The following DNAJC3 variants were observed in gnomAD, a reference collection of about 807,000 sequenced individuals.
The protein encoded by DNAJC3 is dnaJ homolog subfamily C member 3.
In DNAJC3, 38 loss-of-function variants were observed where a neutral mutation model predicts 68.6. That is an observed-to-expected ratio of 0.55 (90% CI 0.43 to 0.73). DNAJC3 has a LOEUF of 0.73. Among genes scored for constraint, DNAJC3 ranks in the 30% least tolerant of loss-of-function variants. DNAJC3 has a pLI of 0.00. For missense variants in DNAJC3, 526 were observed against 591.9 expected (o/e 0.89, Z 1.16); for synonymous variants, 203 against 204.0 (o/e 1.00, Z 0.04).
chr13:95,688,965 T>TGTGTGCGC (rs1491401957), intron 1 of DNAJC3, among the ~76,000 whole-genome samples: 7 of 130,910 alleles, frequency 5.3e-5, no homozygotes, highest in African/African-American at 1.8e-4. Context: ...TGTGTGTGTG[T>TGTGTGCGC]GCGCGCTGTT....
chr13:95,691,801 C>A lies in DNAJC3; in HGVS notation c.82+14464C>A, dbSNP rs532333768. ...AGTGAACGAGACTCCCTCTGCAATC[C>A]CGGCACCTTGGGAGGCGGAGGCTGG... is the stretch of plus-strand genomic sequence containing the variant. On this transcript the variant is annotated intron_variant, in intron 1 of 11. Transcript: ENST00000602402. 9.8e-5 allele frequency among the ~76,000 whole-genome samples: 15 copies of A among 152,348 alleles called. No individual in the cohort carries two copies. The South Asian group carries it at 3.1e-3, about 32-fold the overall frequency.
rs17885680 is a variant in DNAJC3, at chr13:95,789,099, T to A, written c.1358-1774T>A. Among the ~76,000 whole-genome samples, 1,267 of 152,310 alleles carry A rather than the reference T, an allele frequency of 8.3e-3. 23 individuals carry two copies. The highest frequency in any genetic ancestry group is 0.029 in the African/African-American group (1,214 of 41,548). ...CTTGGGATTATTTTTATATTTGCAT[T>A]TTTTTCTGCATTCTCTATTTTCCAT... On this transcript the variant is annotated intron_variant, in intron 11 of 11. Coordinates refer to ENST00000602402, the MANE Select transcript of DNAJC3 (RefSeq NM_006260.5).
At chr13:95,706,759 T>A (rs1880762887) in intron 1 of DNAJC3, among the ~76,000 whole-genome samples, 2 of 152,204 alleles carry the variant, frequency 1.3e-5, no homozygotes, top group African/African-American at 4.8e-5. Context: ...AAATAAATAT[T>A]CCCATTCCAA....
intron 1 of DNAJC3, among the ~76,000 whole-genome samples, chr13:95,708,544 A>G (rs145218984): frequency 4.4e-4 from 66 of 151,694 alleles, no homozygotes; most frequent in African/African-American, 1.5e-3. Flanking sequence ...CCTGGAAGCT[A>G]TTTTCCTAGC....
At chr13:95,772,074 C>T (rs750668030) in intron 9 of DNAJC3, among the ~76,000 whole-genome samples, 9 of 152,198 alleles carry the variant, frequency 5.9e-5, no homozygotes, top group Non-Finnish European at 1.2e-4. Context: ...CTCAGCTCTG[C>T]CATTGCAGTG....
At chr13:95,728,560 A>C (rs559114154) in intron 4 of DNAJC3, among the ~76,000 whole-genome samples, 1 of 152,250 alleles carries the variant, frequency 6.6e-6, no homozygotes, top group South Asian at 2.1e-4. Flanking sequence ...TCCTTTATAT[A>C]TTTTAGATAC....
At chr13:95,721,469 A>T (rs1352462566) in intron 2 of DNAJC3, among the ~76,000 whole-genome samples, 1 of 152,150 alleles carries the variant, frequency 6.6e-6, no homozygotes, top group Non-Finnish European at 1.5e-5. Context: ...TTTACATTAA[A>T]TTTTTTGAGA....
At chr13:95,757,035 T>C (rs546219666) in intron 4 of DNAJC3, among the ~76,000 whole-genome samples, 1 of 152,322 alleles carries the variant, frequency 6.6e-6, no homozygotes, top group Admixed American at 6.5e-5. Context: ...ATTATGTCTT[T>C]ATAAAGTTAT....
chr13:95,727,803 G>T (rs1017147661), intron 4 of DNAJC3, among the ~76,000 whole-genome samples: 22 of 152,000 alleles, frequency 1.4e-4, no homozygotes, highest in Non-Finnish European at 2.8e-4. Flanking sequence ...ACATGTGTTG[G>T]TTCATGTACC....
intron 4 of DNAJC3, among the ~76,000 whole-genome samples, chr13:95,739,447 A>G (rs1244988981): frequency 1.2e-4 from 18 of 151,236 alleles, no homozygotes; most frequent in African/African-American, 4.4e-4. Context: ...TCTCCCCATC[A>G]CTTTCAGGTA....
At chr13:95,690,631 CCTCCCGGACGGGG>C (rs1244250826) in intron 1 of DNAJC3, among the ~76,000 whole-genome samples, 5 of 149,480 alleles carry the variant, frequency 3.3e-5, no homozygotes, top group African/African-American at 1.2e-4. Context: ...CCCCCACCTC[CCTCCCGGACGGGG>C]CGGCTGGCCG....
chr13:95,759,329 A>G (rs915210124), intron 5 of DNAJC3, among the ~76,000 whole-genome samples: 1 of 152,172 alleles, frequency 6.6e-6, no homozygotes. Context: ...GTTTTTGTTT[A>G]GAGACTGGGT....
chr13:95,719,342 T>C (rs1481950551), intron 2 of DNAJC3, among the ~76,000 whole-genome samples: 1 of 152,214 alleles, frequency 6.6e-6, no homozygotes, highest in Non-Finnish European at 1.5e-5. Flanking sequence ...CATGATGTAT[T>C]ATATCATTGG....
chr13:95,729,019 T>C (rs1284213743), intron 4 of DNAJC3, among the ~76,000 whole-genome samples: 1 of 149,302 alleles, frequency 6.7e-6, no homozygotes, highest in Admixed American at 6.7e-5. Context: ...TGAGAGTAAC[T>C]TTTTTTTTTG....
At chr13:95,711,503 T>TA (rs147391726) in intron 2 of DNAJC3, among the ~76,000 whole-genome samples, 28,562 of 150,854 alleles carry the variant, frequency 0.19, 3,580 homozygotes, top group African/African-American at 0.35. Flanking sequence ...ATCTCAAAAT[T>TA]AAAAAAACAG....
intron 2 of DNAJC3, among the ~76,000 whole-genome samples, chr13:95,716,634 G>A (rs1371375371): frequency 1.3e-5 from 2 of 152,160 alleles, no homozygotes; most frequent in Non-Finnish European, 2.9e-5. Flanking sequence ...GGATGGAGTG[G>A]TAAGGTGGTC....
At chr13:95,763,109 A>C (rs546551523) in intron 7 of DNAJC3, among the ~76,000 whole-genome samples, 47 of 152,368 alleles carry the variant, frequency 3.1e-4, no homozygotes, top group Middle Eastern at 3.4e-3. Flanking sequence ...GAAAATGCTG[A>C]AATAGCTTTT....
intron 4 of DNAJC3, among the ~76,000 whole-genome samples, chr13:95,730,364 T>C (rs1881672247): frequency 6.6e-6 from 1 of 152,216 alleles, no homozygotes. Flanking sequence ...TTTGAGATCT[T>C]GGCCATAAAA....
chr13:95,710,277 C>T (rs1333532699), intron 2 of DNAJC3, among the ~76,000 whole-genome samples: 13 of 148,936 alleles, frequency 8.7e-5, no homozygotes, highest in Non-Finnish European at 1.3e-4. Context: ...CTTGCTCTGT[C>T]ACCCAGGCTG....
Sources: allele counts gnomAD v4.1 joint callset (sites outside exome capture counted in the v4.1 genomes callset), GRCh38; gene constraint gnomAD v4.1.1; transcripts MANE v1.5; gene names NCBI Gene and HGNC (gene_info 2026-07-23, HGNC 2026-07-21).